Variants in BDNF observed in about 807,000 individuals in gnomAD.
The protein encoded by BDNF is brain derived neurotrophic factor.
In BDNF, 1 loss-of-function variant was observed where a neutral mutation model predicts 19.5. That is an observed-to-expected ratio of 0.05 (90% CI 0.02 to 0.24). The LOEUF (loss-of-function observed/expected upper bound fraction) is 0.24. BDNF is among the 10% of genes least tolerant of loss of function. The probability of loss-of-function intolerance (pLI) is 1.00; values close to 1 mark genes in which losing one functional copy is unlikely to be tolerated. For missense variants in BDNF, 195 were observed against 317.6 expected, an observed-to-expected ratio of 0.61 and a Z score of 2.93; for synonymous variants, 100 against 121.6, an observed-to-expected ratio of 0.82 and a Z score of 1.17.
chr11:27,700,624 G>C (rs1230750185), upstream of BDNF: 2 of 983,988 alleles, frequency 2.0e-6, no homozygotes, highest in Admixed American at 1.2e-4. Context: ...TTCCTCGCGC[G>C]GGGAACCGAG....
intron 1 of BDNF, chr11:27,720,738 G>C: frequency 4.1e-6 from 4 of 986,114 alleles, no homozygotes; most frequent in Non-Finnish European, 4.8e-6. Context: ...CACAGCAGGA[G>C]GAAAAGGCTT....
At chr11:27,712,215 C>T (rs1312010031) in intron 1 of BDNF, among the ~76,000 whole-genome samples, 1 of 152,212 alleles carries the variant, frequency 6.6e-6, no homozygotes. Context: ...ATAAGTGCTT[C>T]TCAAGTGTTC....
chr11:27,682,949 A>G (rs1163572482), intron 1 of BDNF, among the ~76,000 whole-genome samples: 1 of 152,100 alleles, frequency 6.6e-6, no homozygotes. Context: ...GGGTCAAAAG[A>G]TATTTCTGGT....
intron 1 of BDNF, among the ~76,000 whole-genome samples, chr11:27,719,325 T>C (rs974285958): frequency 6.6e-6 from 1 of 152,076 alleles, no homozygotes; most frequent in African/African-American, 2.4e-5. Flanking sequence ...GGCAGGGCGG[T>C]CTGCGCGTCC....
upstream of BDNF, among the ~76,000 whole-genome samples, chr11:27,705,241 A>C (rs1317029478): frequency 1.3e-5 from 2 of 152,242 alleles, no homozygotes; most frequent in Non-Finnish European, 2.9e-5. Context: ...GATTGTGGGC[A>C]TAAGTTAGAG....
intron 1 of BDNF, chr11:27,659,741 T>G (rs1485736027): frequency 1.1e-6 from 1 of 907,254 alleles, no homozygotes; most frequent in Non-Finnish European, 1.3e-6. Context: ...CTAGTGCTTC[T>G]TTTTCTGCTT....
intron 1 of BDNF, among the ~76,000 whole-genome samples, chr11:27,690,406 C>T (rs1858089392): frequency 6.6e-6 from 1 of 151,950 alleles, no homozygotes; most frequent in South Asian, 2.1e-4. Context: ...ATTCCGACTT[C>T]CTGATCCTGT....
upstream of BDNF, chr11:27,700,524 C>CCG: frequency 4.6e-6 from 1 of 216,816 alleles, no homozygotes; most frequent in Middle Eastern, 2.4e-3. Context: ...GGCGCCGCCC[C>CCG]CCCCCCCCCG....
rs1041031372 is a variant in BDNF, at chr11:27,722,019, T to C, written c.-605A>G. 5.9e-5 allele frequency: 9 copies of C among 152,596 alleles called. No homozygotes were observed. Among genetic ancestry groups the C allele is most frequent in the African/African-American group, 2.2e-4 (9 of 41,400 alleles). The allele number at this position is 152,596 out of a possible 1,614,324, so 9.5% of individuals were successfully genotyped here. A position where few individuals can be genotyped will look rare whatever the true frequency, so the allele number is the denominator to read the frequency against. On this transcript the variant is annotated 5_prime_UTR_variant, in exon 1 of 2. Transcript: ENST00000314915. The surrounding 1 kb of genome is among the most constrained non-coding windows in gnomAD (Gnocchi z 5.7). ...TAGGGCGGGAAGACCGCTGGGGAAC[T>C]TGTTGCTTATCAGCGCCGGCAGACT...
At chr11:27,684,274 T>C (rs1857200882) in intron 1 of BDNF, among the ~76,000 whole-genome samples, 1 of 152,240 alleles carries the variant, frequency 6.6e-6, no homozygotes, top group Non-Finnish European at 1.5e-5. Flanking sequence ...TTGCTGAAGT[T>C]GCTTATCAGC....
At chr11:27,686,811 G>A (rs934412415) in intron 1 of BDNF, among the ~76,000 whole-genome samples, 2 of 152,134 alleles carry the variant, frequency 1.3e-5, no homozygotes, top group Non-Finnish European at 2.9e-5. Context: ...TGGGTAACCC[G>A]ACCTTTCTCT....
intron 1 of BDNF, among the ~76,000 whole-genome samples, chr11:27,711,967 G>A (rs749236252): frequency 1.2e-4 from 19 of 152,134 alleles, no homozygotes; most frequent in Non-Finnish European, 2.6e-4. Flanking sequence ...TAATGGGGTT[G>A]TGCTGGTGAT....
rs1860726713 is a variant in BDNF, at chr11:27,720,994, C to A, written c.3+418G>T. ...CTCCCAGTCTTTACCCCACCCTTAC[C>A]CCCACTCCACCCCCTAACCCCAACC... On this transcript the variant is annotated intron_variant, in intron 1 of 1. Transcript: ENST00000314915. Among the ~76,000 whole-genome samples the A allele has an allele frequency of 2.7e-5, 4 of 145,756 alleles. No individual in the cohort carries two copies. In the Admixed American group the frequency reaches 2.8e-4, roughly 10 times the overall value.
intron 1 of BDNF, among the ~76,000 whole-genome samples, chr11:27,670,161 G>A (rs1274714670): frequency 1.3e-5 from 2 of 152,140 alleles, no homozygotes; most frequent in African/African-American, 4.8e-5. Flanking sequence ...AATGGGGAAA[G>A]GATTCTCTAT....
chr11:27,719,289 G>A (rs903025477), intron 1 of BDNF, among the ~76,000 whole-genome samples: 1 of 152,178 alleles, frequency 6.6e-6, no homozygotes, highest in African/African-American at 2.4e-5. Context: ...GCCCTCCACC[G>A]GCGCCTCCGG....
At position 27,692,206 on chromosome 11, in the gene BDNF, A is replaced by G. The variant is rs1027935024; in HGVS notation, c.-22+7958T>C. 3.9e-5 allele frequency among the ~76,000 whole-genome samples: 6 copies of G among 152,352 alleles called. No homozygotes were observed. The South Asian group carries it at 1.2e-3, about 32-fold the overall frequency. ...TCATTAGGATTGTTTATGGACTATAAATAAGGAGCAGACTTATGGCCAATG... is the reference window on the plus strand; with the variant it reads ...TCATTAGGATTGTTTATGGACTATAGATAAGGAGCAGACTTATGGCCAATG... On this transcript the variant is annotated intron_variant, in intron 1 of 1. Coordinates refer to ENST00000356660, the MANE Select transcript of BDNF (RefSeq NM_001709.5).
upstream of BDNF, chr11:27,700,499 T>C (rs1416432272): frequency 2.4e-4 from 236 of 976,206 alleles, 1 homozygote; most frequent in African/African-American, 4.2e-3. Flanking sequence ...TCGGTTGAGC[T>C]TCGATTGGTC....
chr11:27,704,989 G>A (rs1309982801), upstream of BDNF, among the ~76,000 whole-genome samples: 1 of 152,176 alleles, frequency 6.6e-6, no homozygotes, highest in African/African-American at 2.4e-5. Context: ...AAGACTAGGA[G>A]AGTAGAACAA....
At chr11:27,662,574 T>G (rs1475451850) in intron 1 of BDNF, among the ~76,000 whole-genome samples, 1 of 152,038 alleles carries the variant, frequency 6.6e-6, no homozygotes, top group Non-Finnish European at 1.5e-5. Context: ...GGTCTGGGAG[T>G]AGCAGGGTGG....
Sources: gnomAD v4.1 joint callset for allele counts (sites outside exome capture counted in the v4.1 genomes callset) on GRCh38, gnomAD v4.1.1 for gene constraint, Gnocchi (gnomAD v3.1) non-coding constraint, MANE v1.5 for transcripts, NCBI Gene and HGNC (gene_info 2026-07-23, HGNC 2026-07-21) for gene names.